LRRC37A2: variants seen among roughly 807,000 people sequenced by gnomAD.
LRRC37A2 encodes the protein leucine rich repeat containing 37 member A2.
A neutral mutation model predicts 68.8 loss-of-function variants in LRRC37A2; 9 were observed. The ratio of observed to expected loss-of-function variants is 0.13; its 90% CI spans 0.08 to 0.23. LRRC37A2 has a LOEUF of 0.23. LRRC37A2 is among the 10% of genes least tolerant of loss of function. LRRC37A2 has a pLI of 1.00. For synonymous variants in LRRC37A2, 63 were observed against 367.6 expected (o/e 0.17, Z 9.48); for missense variants, 168 against 950.4 (o/e 0.18, Z 10.82).
At chr17:46,996,589 G>A in the LRRC37A2 span, among the ~76,000 whole-genome samples, 2 of 152,364 alleles carry the variant, frequency 1.3e-5, no homozygotes, top group African/African-American at 2.4e-5. Flanking sequence ...GGGGCCCCTA[G>A]GCCTGGTTTT....
At chr17:46,971,073 C>G in the LRRC37A2 span, among the ~76,000 whole-genome samples, 4 of 151,970 alleles carry the variant, frequency 2.6e-5, no homozygotes, top group African/African-American at 9.7e-5. Flanking sequence ...AAACATAGGC[C>G]GGTGCGGTGG....
the LRRC37A2 span, chr17:46,939,969 C>T: frequency 9.9e-7 from 1 of 1,009,074 alleles, no homozygotes; most frequent in Non-Finnish European, 1.2e-6. Flanking sequence ...CATGGCAAGA[C>T]ATAAAATGAC....
the LRRC37A2 span, among the ~76,000 whole-genome samples, chr17:46,847,671 G>A: frequency 1.3e-5 from 2 of 152,302 alleles, no homozygotes; most frequent in South Asian, 2.1e-4. Flanking sequence ...ACCTTCCCTC[G>A]GAGCTGCTGG....
chr17:46,923,211 C>CA, the LRRC37A2 span: 155 of 1,550,004 alleles, frequency 1.0e-4, no homozygotes, highest in Non-Finnish European at 1.3e-4. Flanking sequence ...CCTGTTCCAG[C>CA]AAACGCACAA....
the LRRC37A2 span, among the ~76,000 whole-genome samples, chr17:46,947,645 A>G: frequency 5.9e-5 from 9 of 152,336 alleles, no homozygotes; most frequent in South Asian, 1.9e-3. Context: ...GCTGTTTATT[A>G]GCAGCCTGAC....
chr17:46,839,982 T>TTTCTC, the LRRC37A2 span, among the ~76,000 whole-genome samples: 1 of 140,286 alleles, frequency 7.1e-6, no homozygotes, highest in African/African-American at 2.7e-5. Flanking sequence ...CTTTCTCTTC[T>TTTCTC]TTCTTTCTTT....
chr17:46,931,309 GTTGAAAA>G, the LRRC37A2 span: 1 of 736,462 alleles, frequency 1.4e-6, no homozygotes, highest in Non-Finnish European at 2.5e-6. Context: ...CAACGTACAT[GTTGAAAA>G]ACTATGACTA....
chr17:46,491,097 G>A, the LRRC37A2 span, among the ~76,000 whole-genome samples: 9 of 150,736 alleles, frequency 6.0e-5, no homozygotes, highest in South Asian at 2.1e-4. Flanking sequence ...GAGTTTCACC[G>A]TGTTGCCCAG....
At chr17:47,024,998 C>G in the LRRC37A2 span, among the ~76,000 whole-genome samples, 1 of 150,684 alleles carries the variant, frequency 6.6e-6, no homozygotes, top group Non-Finnish European at 1.5e-5. Flanking sequence ...GTGACTGACA[C>G]CCATATGAAC....
chr17:47,019,480 T>C, the LRRC37A2 span: 367 of 1,586,902 alleles, frequency 2.3e-4, 6 homozygotes, highest in African/African-American at 1.3e-3. Flanking sequence ...ACTACAGAGA[T>C]TGGACATTCT....
the LRRC37A2 span, chr17:46,872,506 G>C: frequency 6.8e-7 from 1 of 1,465,308 alleles, no homozygotes; most frequent in Admixed American, 2.4e-5. Flanking sequence ...CCCTCCTCTC[G>C]CTCTCTCTAG....
At chr17:46,838,358 GGCTTAT>G in the LRRC37A2 span, among the ~76,000 whole-genome samples, 1 of 151,942 alleles carries the variant, frequency 6.6e-6, no homozygotes, top group African/African-American at 2.4e-5. Context: ...CAGGTGTGGT[GGCTTAT>G]GCTTGTAATC....
At chr17:46,900,608 A>G in the LRRC37A2 span, among the ~76,000 whole-genome samples, 1 of 152,228 alleles carries the variant, frequency 6.6e-6, no homozygotes, top group Non-Finnish European at 1.5e-5. Context: ...AGGATGGTGA[A>G]GAGTTTGGAG....
the LRRC37A2 span, among the ~76,000 whole-genome samples, chr17:46,585,318 GAAA>G: frequency 9.8e-4 from 69 of 70,324 alleles, no homozygotes; most frequent in Admixed American, 2.3e-3. Flanking sequence ...ACTCCATCTC[GAAA>G]AAAAAAAAAA....
At chr17:46,866,221 C>T in the LRRC37A2 span, among the ~76,000 whole-genome samples, 17 of 152,160 alleles carry the variant, frequency 1.1e-4, no homozygotes, top group Middle Eastern at 6.8e-3. Flanking sequence ...GTTGAGCAGC[C>T]ACCCTCAAAA....
chr17:46,941,157 T>TTTAC, the LRRC37A2 span: 428 of 1,008,574 alleles, frequency 4.2e-4, 1 homozygote, highest in African/African-American at 6.8e-3. Flanking sequence ...TACATGGACA[T>TTTAC]TTACTTCAGG....
the LRRC37A2 span, among the ~76,000 whole-genome samples, chr17:46,844,715 C>A: frequency 6.6e-6 from 1 of 152,162 alleles, no homozygotes. Flanking sequence ...TGCCTCTGTG[C>A]AGACCCAAAT....
chr17:46,717,484 G>A, the LRRC37A2 span, among the ~76,000 whole-genome samples: 1 of 152,146 alleles, frequency 6.6e-6, no homozygotes, highest in Non-Finnish European at 1.5e-5. Flanking sequence ...AGGCTGAGGT[G>A]GGGGGATCAT....
chr17:46,979,522 C>T, the LRRC37A2 span, among the ~76,000 whole-genome samples: 1 of 152,176 alleles, frequency 6.6e-6, no homozygotes, highest in Non-Finnish European at 1.5e-5. Flanking sequence ...ATTTGATACC[C>T]TTAGCAGTGA....
Sources: allele counts gnomAD v4.1 joint callset (sites outside exome capture counted in the v4.1 genomes callset), GRCh38; gene constraint gnomAD v4.1.1; transcripts MANE v1.5; gene names NCBI Gene and HGNC (gene_info 2026-07-23, HGNC 2026-07-21).